Variants in MGRN1 observed in about 807,000 individuals in gnomAD.
The protein encoded by MGRN1 is E3 ubiquitin-protein ligase MGRN1.
MGRN1 carries 29 observed loss-of-function variants against 69.2 expected under a neutral mutation model. The observed-to-expected ratio is 0.42, with a 90% CI of 0.31 to 0.57. The LOEUF (loss-of-function observed/expected upper bound fraction) is 0.57, where lower values mean the gene tolerates loss of function less well. Among genes scored for constraint, MGRN1 ranks in the 20% least tolerant of loss-of-function variants. The pLI is 0.15. For missense variants in MGRN1, 998 were observed against 796.2 expected (o/e 1.25, Z -3.05); for synonymous variants, 470 against 344.2 (o/e 1.37, Z -4.04).
chr16:4,643,589 G>A (rs1201918647), intron 1 of MGRN1, among the ~76,000 whole-genome samples: 1 of 150,968 alleles, frequency 6.6e-6, no homozygotes, highest in African/African-American at 2.4e-5. Flanking sequence ...AGCCAGGATG[G>A]TCTCCATCTC....
chr16:4,683,116 G>C, intron 14 of MGRN1, 108 bp from the exon 15 acceptor site: 2 of 1,526,516 alleles, frequency 1.3e-6, no homozygotes, highest in Middle Eastern at 1.7e-4. Context: ...AGCACCCCCT[G>C]GTGGAGCGGC....
At chr16:4,688,151 G>A in intron 16 of MGRN1, 2 of 985,558 alleles carry the variant, frequency 2.0e-6, no homozygotes, top group Non-Finnish European at 2.4e-6. Context: ...ATGTGTCAGG[G>A]CTGGTGGCTG....
chr16:4,681,802 T>C (rs1467824579), intron 13 of MGRN1, 26 bp downstream of exon 13: 5 of 1,600,650 alleles, frequency 3.1e-6, no homozygotes, highest in South Asian at 1.1e-5. Context: ...GCCAGGTGCA[T>C]GGCAGGGTGT....
rs572854521 is a variant in MGRN1, at chr16:4,651,872, C to T, written c.208-91C>T. On this transcript the variant is annotated intron_variant, in intron 2 of 16. Transcript: ENST00000262370. ...CATGGGACTAGATCCCAGGGATACC[C>T]TCTGGGGCTGTGGCTGCTGCACCCT... 1.7e-5 allele frequency: 19 copies of T among 1,141,608 alleles called. No individual in the cohort carries two copies. The East Asian group carries it at 3.7e-4, about 22-fold the overall frequency. The allele number at this position is 1,141,608 out of a possible 1,614,324, so 70.7% of individuals were successfully genotyped here.
In MGRN1 at chr16:4,690,432, A is replaced by C. The variant is rs1318174386; in HGVS notation, c.*1524A>C. ...CTCCCTGAGGCTCACGGTGGCTCCG[A>C]GCATGAGGTCCGCCTCCTGGGCGAG... On this transcript the variant is annotated 3_prime_UTR_variant, in exon 17 of 17. Transcript: ENST00000262370. 6.6e-6 allele frequency: 1 copy of C among 151,828 alleles called. No individual in the cohort carries two copies. The highest frequency in any genetic ancestry group is 2.4e-5 in the African/African-American group (1 of 41,278). 9.4% of individuals were successfully genotyped at this position (151,828 alleles called of 1,614,324 possible).
intron 16 of MGRN1, among the ~76,000 whole-genome samples, chr16:4,685,282 G>A (rs2079283850): frequency 1.3e-5 from 2 of 152,252 alleles, no homozygotes; most frequent in South Asian, 4.1e-4. Flanking sequence ...CCTGCAGGGT[G>A]GCCCTGTGGG....
intron 4 of MGRN1, among the ~76,000 whole-genome samples, chr16:4,653,202 C>T (rs1187352279): frequency 1.8e-4 from 27 of 152,136 alleles, no homozygotes; most frequent in Admixed American, 1.7e-3. Flanking sequence ...TGATGAGTTG[C>T]TAGTGTGGCT....
intron 11 of MGRN1, among the ~76,000 whole-genome samples, chr16:4,679,217 T>A (rs2079121715): frequency 6.6e-6 from 1 of 152,212 alleles, no homozygotes; most frequent in South Asian, 2.1e-4. Context: ...TAGGGAGTGA[T>A]CGATGCTCAG....
chr16:4,674,577 G>A (rs952232368), intron 10 of MGRN1, among the ~76,000 whole-genome samples: 1 of 131,888 alleles, frequency 7.6e-6, no homozygotes, highest in Non-Finnish European at 1.5e-5. Flanking sequence ...GTGAGCCACC[G>A]CTTTTTTTTT....
chr16:4,676,564 G>A lies in MGRN1; in HGVS notation c.956-899G>A, dbSNP rs2079057742. On this transcript the variant is annotated intron_variant, in intron 10 of 16. Transcript: ENST00000262370. ...GGCCCCTCACAGGCGCCCGAGGGCA[G>A]AGACTGCTGTTCTCAGTAGAAATTG... 2.0e-5 allele frequency among the ~76,000 whole-genome samples: 3 copies of A among 152,230 alleles called. No individual in the cohort carries two copies. The South Asian group carries it at 6.2e-4, about 31-fold the overall frequency.
Position 4,650,527 on chromosome 16 carries a change from G to A in MGRN1, c.207+44G>A, listed in dbSNP as rs760225676. On this transcript the variant is annotated intron_variant, in intron 2 of 16. Transcript: ENST00000262370. ...GTCTCATGGGGCTGTGGGGGTGGGA[G>A]GCCCCTGTCCCCAGCAGTCCGCATC... 2.7e-6 allele frequency: 4 copies of A among 1,475,502 alleles called. No homozygotes were observed. In the South Asian group the frequency reaches 4.8e-5, roughly 18 times the overall value. The allele number at this position is 1,475,502 out of a possible 1,614,324, so 91.4% of individuals were successfully genotyped here. A position where few individuals can be genotyped will look rare whatever the true frequency, so the allele number is the denominator to read the frequency against.
chr16:4,642,128 C>CTTTTTT (rs34264611), intron 1 of MGRN1, among the ~76,000 whole-genome samples: 3 of 128,758 alleles, frequency 2.3e-5, no homozygotes, highest in African/African-American at 9.1e-5. Flanking sequence ...GACTTGGTTC[C>CTTTTTT]TTTTTTTTTT....
At chr16:4,677,281 C>A in intron 10 of MGRN1, 182 bp from the exon 11 acceptor site, 1 of 449,956 alleles carries the variant, frequency 2.2e-6, no homozygotes, top group Non-Finnish European at 3.9e-6. Context: ...CCCCATCTTT[C>A]CTGCCTATTA....
intron 5 of MGRN1, among the ~76,000 whole-genome samples, chr16:4,658,141 A>G (rs2078594202): frequency 6.6e-6 from 1 of 151,924 alleles, no homozygotes; most frequent in Non-Finnish European, 1.5e-5. Flanking sequence ...CTTTTAGTCA[A>G]AGCTGTGTCC....
intron 16 of MGRN1, chr16:4,688,152 C>T (rs1038504689): frequency 2.0e-6 from 2 of 985,544 alleles, no homozygotes; most frequent in Middle Eastern, 5.2e-4. Flanking sequence ...TGTGTCAGGG[C>T]TGGTGGCTGG....
chr16:4,654,951 G>A (rs556671676), intron 4 of MGRN1, among the ~76,000 whole-genome samples: 5 of 152,338 alleles, frequency 3.3e-5, no homozygotes, highest in South Asian at 2.1e-4. Context: ...CCTTGCCCCG[G>A]CACTTGATTA....
chr16:4,647,529 T>G (rs1480002103), intron 1 of MGRN1, among the ~76,000 whole-genome samples: 2 of 152,212 alleles, frequency 1.3e-5, no homozygotes, highest in Non-Finnish European at 2.9e-5. Flanking sequence ...CTGCACCAAT[T>G]TCCCTGGCAG....
At chr16:4,634,060 C>T (rs565092267) in intron 1 of MGRN1, among the ~76,000 whole-genome samples, 2 of 152,192 alleles carry the variant, frequency 1.3e-5, no homozygotes, top group East Asian at 1.9e-4. Context: ...TGGGGGCAAC[C>T]CTGTAGGCGT....
intron 1 of MGRN1, among the ~76,000 whole-genome samples, chr16:4,645,952 A>C (rs2078265575): frequency 6.6e-6 from 1 of 152,146 alleles, no homozygotes; most frequent in South Asian, 2.1e-4. Flanking sequence ...AATGAAATCG[A>C]ATTGGGAGTC....
Sources: allele counts gnomAD v4.1 joint callset (sites outside exome capture counted in the v4.1 genomes callset), GRCh38; gene constraint gnomAD v4.1.1; transcripts MANE v1.5; gene names NCBI Gene and HGNC (gene_info 2026-07-23, HGNC 2026-07-21).